The following FGF14 variants were observed in gnomAD, a reference collection of about 807,000 sequenced individuals.
FGF14 encodes the protein fibroblast growth factor 14.
Under a neutral mutation model 25.5 loss-of-function variants are expected in FGF14, and 5 were observed. The observed-to-expected ratio is 0.20, with a 90% CI of 0.10 to 0.41. FGF14 has a LOEUF of 0.41. FGF14 is among the 10% of genes least tolerant of loss of function. The pLI, the probability that FGF14 is intolerant of heterozygous loss-of-function variation, is 1.00. For missense variants in FGF14, 222 were observed against 320.1 expected (o/e 0.69, Z 2.34); for synonymous variants, 138 against 118.3 (o/e 1.17, Z -1.08).
chr13:102,214,368 C>T (rs527463516), intron 1 of FGF14, among the ~76,000 whole-genome samples: 2 of 152,138 alleles, frequency 1.3e-5, no homozygotes, highest in Non-Finnish European at 2.9e-5. Context: ...CTTTGAGGCT[C>T]TAAACCATCA....
At chr13:101,847,572 T>C (rs945093740) in intron 3 of FGF14, among the ~76,000 whole-genome samples, 2 of 152,114 alleles carry the variant, frequency 1.3e-5, no homozygotes, top group Admixed American at 6.6e-5. Flanking sequence ...AAAAACATGA[T>C]AATTAGCCAA....
intron 1 of FGF14, among the ~76,000 whole-genome samples, chr13:102,081,271 T>C (rs190621654): frequency 6.6e-6 from 1 of 152,352 alleles, no homozygotes; most frequent in East Asian, 1.9e-4. Context: ...ATCTTGCCTT[T>C]GGGCACAAAT....
chr13:101,765,867 T>G (rs374829001), intron 3 of FGF14, among the ~76,000 whole-genome samples: 18 of 152,250 alleles, frequency 1.2e-4, no homozygotes, highest in Admixed American at 4.6e-4. Context: ...TAGCTGGGAT[T>G]ACAGGCACCT....
chr13:101,834,268 T>C (rs557373425), intron 3 of FGF14, among the ~76,000 whole-genome samples: 4 of 151,004 alleles, frequency 2.6e-5, no homozygotes, highest in African/African-American at 9.7e-5. Context: ...TCTGAGTACT[T>C]TGCACATTTG....
chr13:101,853,441 ATTTATT>A (rs2043960782), intron 3 of FGF14, among the ~76,000 whole-genome samples: 2 of 151,956 alleles, frequency 1.3e-5, no homozygotes, highest in Non-Finnish European at 2.9e-5. Context: ...TGTATTATTT[ATTTATT>A]TTTATTTTCA....
At chr13:102,161,654 A>AGACGAAGACGAAGACGAAGACGAAGAC in intron 1 of FGF14, among the ~76,000 whole-genome samples, 14 of 14,974 alleles carry the variant, frequency 9.3e-4, no homozygotes, top group Non-Finnish European at 1.8e-3. Flanking sequence ...AAGAAGAAGA[A>AGACGAAGACGAAGACGAAGACGAAGAC]GAAGAAGAAG....
intron 3 of FGF14, among the ~76,000 whole-genome samples, chr13:101,844,603 A>G (rs1566300611): frequency 6.6e-6 from 1 of 152,018 alleles, no homozygotes; most frequent in Non-Finnish European, 1.5e-5. Context: ...TTTATAATAT[A>G]TGATACTCTG....
intron 1 of FGF14, among the ~76,000 whole-genome samples, chr13:102,288,607 T>C (rs1205625759): frequency 6.6e-6 from 1 of 152,060 alleles, no homozygotes; most frequent in Non-Finnish European, 1.5e-5. Flanking sequence ...ATTTTTGAGA[T>C]GGCGTCTCAC....
At chr13:101,896,890 C>T (rs755360775) in intron 1 of FGF14, among the ~76,000 whole-genome samples, 1 of 152,082 alleles carries the variant, frequency 6.6e-6, no homozygotes, top group Non-Finnish European at 1.5e-5. Flanking sequence ...TTTGGGGTAA[C>T]TTTATCTATA....
At chr13:102,249,805 G>A (rs2052076478) in intron 1 of FGF14, among the ~76,000 whole-genome samples, 1 of 152,134 alleles carries the variant, frequency 6.6e-6, no homozygotes, top group Admixed American at 6.5e-5. Flanking sequence ...ATTATTTGGT[G>A]CAATTCAAAG....
At chr13:102,054,452 CA>C (rs1419029963) in intron 1 of FGF14, among the ~76,000 whole-genome samples, 16 of 152,166 alleles carry the variant, frequency 1.1e-4, no homozygotes, top group African/African-American at 3.9e-4. Flanking sequence ...CCCTATAAGA[CA>C]ATGAATGAAG....
intron 1 of FGF14, chr13:102,293,562 G>A (rs2054540047): frequency 6.6e-6 from 1 of 152,004 alleles, no homozygotes; most frequent in Non-Finnish European, 1.5e-5. Flanking sequence ...GCACCTTAAT[G>A]TAATCAAAGA....
At chr13:102,383,771 G>A (rs1386596608) in intron 1 of FGF14, among the ~76,000 whole-genome samples, 1 of 149,746 alleles carries the variant, frequency 6.7e-6, no homozygotes, top group Admixed American at 6.6e-5. Flanking sequence ...TAATCCCCTT[G>A]GGAAGATTAA....
At chr13:102,025,502 G>A (rs2040878105) in intron 1 of FGF14, among the ~76,000 whole-genome samples, 1 of 151,936 alleles carries the variant, frequency 6.6e-6, no homozygotes, top group African/African-American at 2.4e-5. Flanking sequence ...TCTACCTCCA[G>A]GGTTCAAGTG....
At chr13:101,890,011 G>C (rs893306232) in intron 1 of FGF14, among the ~76,000 whole-genome samples, 5 of 152,216 alleles carry the variant, frequency 3.3e-5, no homozygotes, top group African/African-American at 9.6e-5. Context: ...ACCAGTCTTT[G>C]TGTTCCCTAA....
chr13:102,161,575 A>ACCCC (rs1158303272), intron 1 of FGF14, among the ~76,000 whole-genome samples: 1 of 5,476 alleles, frequency 1.8e-4, no homozygotes, highest in South Asian at 0.01. Context: ...TGAAGAAAGA[A>ACCCC]AGAAGAAGAA....
chr13:102,275,235 T>TCTCC (rs1491477696), intron 1 of FGF14, among the ~76,000 whole-genome samples: 4 of 57,394 alleles, frequency 7.0e-5, no homozygotes, highest in East Asian at 1.4e-3. Context: ...TAGGCAGATT[T>TCTCC]CTCTCTCTCT....
intron 1 of FGF14, among the ~76,000 whole-genome samples, chr13:102,393,562 A>T (rs900032482): frequency 6.6e-6 from 1 of 152,232 alleles, no homozygotes; most frequent in Non-Finnish European, 1.5e-5. Context: ...AAGGAAAAAT[A>T]AACTAGTGAA....
chr13:101,856,562 A>T (rs1725968943), intron 3 of FGF14, among the ~76,000 whole-genome samples: 1 of 151,960 alleles, frequency 6.6e-6, no homozygotes, highest in African/African-American at 2.4e-5. Context: ...CCAGAGTTGC[A>T]TAATTTTGTT....
Sources: gnomAD v4.1 joint callset for allele counts (sites outside exome capture counted in the v4.1 genomes callset) on GRCh38, gnomAD v4.1.1 for gene constraint, MANE v1.5 for transcripts, NCBI Gene and HGNC (gene_info 2026-07-23, HGNC 2026-07-21) for gene names.